Variants in PARP12 observed in about 807,000 individuals in gnomAD.
PARP12 encodes poly(ADP-ribose) polymerase family member 12.
In PARP12, 59 loss-of-function variants were observed where a neutral mutation model predicts 72.4. That is an observed-to-expected ratio of 0.81 (90% CI 0.66 to 1.01). The LOEUF (loss-of-function observed/expected upper bound fraction) is 1.01. Among genes scored for constraint, PARP12 ranks in the 50% least tolerant of loss-of-function variants. The pLI is 0.00. For synonymous variants in PARP12, 403 were observed against 371.4 expected (o/e 1.09, Z -0.98); for missense variants, 851 against 914.0 (o/e 0.93, Z 0.89).
At chr7:140,046,644 CA>C (rs1280469497) in intron 5 of PARP12, among the ~76,000 whole-genome samples, 1 of 152,034 alleles carries the variant, frequency 6.6e-6, no homozygotes, top group Non-Finnish European at 1.5e-5. Flanking sequence ...GGTGGGAGAA[CA>C]AAGCCACCAA....
intron 3 of PARP12, 97 bp from the exon 4 acceptor site, chr7:140,054,860 A>T (rs1296143121): frequency 2.0e-6 from 2 of 1,003,262 alleles, no homozygotes; most frequent in Non-Finnish European, 3.0e-6. Context: ...AAAGTGGGCA[A>T]CGCAAGCTCA....
In PARP12 at chr7:140,024,899, C is replaced by A; in HGVS notation, c.1781-14G>T. On this transcript the variant is annotated splice_polypyrimidine_tract_variant and intron_variant, in intron 11 of 11. Transcript: ENST00000263549. ...CAAAGTAGCTCCCTGAAATGACACACGAGGGCTCAGCTGGTGGAGGGGCCT... is the reference window on the plus strand; with the variant it reads ...CAAAGTAGCTCCCTGAAATGACACAAGAGGGCTCAGCTGGTGGAGGGGCCT... The A allele has an allele frequency of 6.2e-7, 1 of 1,609,190 alleles. No homozygotes were observed. The highest frequency in any genetic ancestry group is 2.2e-5 in the East Asian group (1 of 44,810).
At chr7:140,031,107 T>C (rs548571819) in intron 8 of PARP12, among the ~76,000 whole-genome samples, 8 of 152,284 alleles carry the variant, frequency 5.3e-5, no homozygotes, top group African/African-American at 9.6e-5. Context: ...CTTTAAAATA[T>C]ACATATACAC....
chr7:140,035,164 T>C (rs774829604), intron 7 of PARP12, among the ~76,000 whole-genome samples: 5 of 152,220 alleles, frequency 3.3e-5, no homozygotes, highest in African/African-American at 1.2e-4. Flanking sequence ...AACTGGATGG[T>C]TATCCAAGTG....
chr7:140,058,898 C>CT (rs1232588575), intron 1 of PARP12, among the ~76,000 whole-genome samples: 1 of 152,012 alleles, frequency 6.6e-6, no homozygotes, highest in African/African-American at 2.4e-5. Flanking sequence ...GAGTTCGAGA[C>CT]TAGCCTGGCC....
At chr7:140,038,036 T>C in intron 6 of PARP12, 180 bp from the exon 7 acceptor site, 1 of 985,434 alleles carries the variant, frequency 1.0e-6, no homozygotes, top group Non-Finnish European at 1.2e-6. Flanking sequence ...GCAACATGAC[T>C]GTCTCCTGAA....
chr7:140,050,259 G>C (rs972084325), intron 4 of PARP12, among the ~76,000 whole-genome samples: 1 of 152,128 alleles, frequency 6.6e-6, no homozygotes, highest in African/African-American at 2.4e-5. Context: ...ACGATACCCA[G>C]GCCAATCCCA....
intron 6 of PARP12, among the ~76,000 whole-genome samples, chr7:140,039,317 G>A (rs1816357616): frequency 6.6e-6 from 1 of 152,228 alleles, no homozygotes; most frequent in Admixed American, 6.5e-5. Context: ...GAGAGGAGAA[G>A]CAGCAGTCAG....
chr7:140,048,301 GC>G (rs1816820078), intron 4 of PARP12, among the ~76,000 whole-genome samples: 1 of 152,126 alleles, frequency 6.6e-6, no homozygotes. Flanking sequence ...CTCCTGGGCA[GC>G]CAGATCCTCA....
At chr7:140,042,635 A>T (rs1816530693) in intron 5 of PARP12, among the ~76,000 whole-genome samples, 1 of 152,214 alleles carries the variant, frequency 6.6e-6, no homozygotes, top group East Asian at 1.9e-4. Context: ...AGGACCCTAA[A>T]AGATGACCCA....
intron 10 of PARP12, among the ~76,000 whole-genome samples, chr7:140,026,653 C>A (rs566621654): frequency 1.3e-5 from 2 of 152,158 alleles, no homozygotes; most frequent in Admixed American, 6.5e-5. Context: ...ACCCCACCCC[C>A]ACCTTGCTCC....
intron 4 of PARP12, among the ~76,000 whole-genome samples, chr7:140,049,159 T>C (rs73734185): frequency 0.1 from 15,779 of 152,088 alleles, 1,538 homozygotes; most frequent in African/African-American, 0.26. Flanking sequence ...GATTGTGTGA[T>C]CAGGTATGGG....
intron 6 of PARP12, among the ~76,000 whole-genome samples, chr7:140,040,917 G>A (rs925659438): frequency 3.3e-5 from 5 of 152,206 alleles, no homozygotes; most frequent in Admixed American, 6.5e-5. Flanking sequence ...ACAGGCATAC[G>A]CCACCACACC....
intron 1 of PARP12, among the ~76,000 whole-genome samples, chr7:140,062,307 G>A (rs918217400): frequency 6.6e-6 from 1 of 151,374 alleles, no homozygotes; most frequent in Non-Finnish European, 1.5e-5. Flanking sequence ...CCCCCCAGGC[G>A]TCTAGAGGAC....
At chr7:140,033,794 C>A (rs1816036883) in intron 8 of PARP12, 1 of 987,126 alleles carries the variant, frequency 1.0e-6, no homozygotes. Flanking sequence ...CCATTAGTGA[C>A]TGCAATATCT....
chr7:140,024,955 A>G, intron 11 of PARP12, 70 bp from the exon 12 acceptor site: 2 of 1,443,608 alleles, frequency 1.4e-6, no homozygotes, highest in Non-Finnish European at 1.9e-6. Flanking sequence ...CACTGCGAAT[A>G]GCGTCCTGGT....
chr7:140,050,260 G>C (rs1369790814), intron 4 of PARP12, among the ~76,000 whole-genome samples: 3 of 152,156 alleles, frequency 2.0e-5, no homozygotes, highest in African/African-American at 7.2e-5. Context: ...CGATACCCAG[G>C]CCAATCCCAA....
chr7:140,047,280 C>G (rs1383152843), intron 4 of PARP12, among the ~76,000 whole-genome samples: 1 of 152,168 alleles, frequency 6.6e-6, no homozygotes, highest in Non-Finnish European at 1.5e-5. Flanking sequence ...AGCGGTAAGG[C>G]CTTTAAGAGG....
intron 1 of PARP12, among the ~76,000 whole-genome samples, chr7:140,058,545 G>A (rs1817292587): frequency 1.3e-5 from 2 of 151,808 alleles, no homozygotes; most frequent in Admixed American, 1.3e-4. Flanking sequence ...CACACAGAGG[G>A]AAGACCATGC....
Sources: gnomAD v4.1 joint callset for allele counts (sites outside exome capture counted in the v4.1 genomes callset) on GRCh38, gnomAD v4.1.1 for gene constraint, MANE v1.5 for transcripts, NCBI Gene and HGNC (gene_info 2026-07-23, HGNC 2026-07-21) for gene names.